The following ADAMTSL1 variants were observed in gnomAD, a reference collection of about 807,000 sequenced individuals.
The protein encoded by ADAMTSL1 is ADAMTS like 1, also known as ADAMTS-like protein 1.
ADAMTSL1 carries 126 observed loss-of-function variants against 201.8 expected under a neutral mutation model. That is an observed-to-expected ratio of 0.62 (90% confidence interval 0.54 to 0.72). The LOEUF is 0.72. Among genes scored for constraint, ADAMTSL1 ranks in the 30% least tolerant of loss-of-function variants. The probability of loss-of-function intolerance (pLI) is 0.00; values close to 1 mark genes in which losing one functional copy is unlikely to be tolerated. For synonymous variants in ADAMTSL1, 1,121 were observed against 903.4 expected, an observed-to-expected ratio of 1.24 and a Z score of -4.32; for missense variants, 2,679 against 2,277.8, an observed-to-expected ratio of 1.18 and a Z score of -3.59.
chr9:18,148,079 A>C (rs1826731917), intron 1 of ADAMTSL1, among the ~76,000 whole-genome samples: 1 of 152,128 alleles, frequency 6.6e-6, no homozygotes, highest in Non-Finnish European at 1.5e-5. Context: ...TGAAATGACC[A>C]AATCTGCTTC....
At chr9:18,072,988 A>C (rs1416029924) in intron 1 of ADAMTSL1, among the ~76,000 whole-genome samples, 1 of 152,168 alleles carries the variant, frequency 6.6e-6, no homozygotes, top group Admixed American at 6.5e-5. Context: ...TTGCCTATTT[A>C]GGAAGCGAGA....
At chr9:18,550,210 C>T (rs1820716100) in intron 3 of ADAMTSL1, among the ~76,000 whole-genome samples, 1 of 151,886 alleles carries the variant, frequency 6.6e-6, no homozygotes, top group African/African-American at 2.4e-5. Context: ...ATCCCTGAAA[C>T]TTGTGAATAT....
intron 2 of ADAMTSL1, among the ~76,000 whole-genome samples, chr9:18,304,281 T>C (rs561406839): frequency 1.3e-3 from 194 of 152,194 alleles, no homozygotes; most frequent in African/African-American, 4.6e-3. Context: ...TTGGCCCACT[T>C]CTTTCACTCC....
intron 2 of ADAMTSL1, among the ~76,000 whole-genome samples, chr9:18,315,042 C>T (rs140660308): frequency 0.085 from 12,834 of 151,550 alleles, 725 homozygotes; most frequent in Non-Finnish European, 0.12. Context: ...GTGATCCGCC[C>T]GCCTCGGCCT....
chr9:18,580,305 T>G (rs938765267), intron 4 of ADAMTSL1, among the ~76,000 whole-genome samples: 1 of 152,170 alleles, frequency 6.6e-6, no homozygotes. Flanking sequence ...ATTCTTTTCA[T>G]TTTTAATAAT....
chr9:18,319,423 A>G (rs755106692), intron 2 of ADAMTSL1, among the ~76,000 whole-genome samples: 3 of 152,204 alleles, frequency 2.0e-5, no homozygotes, highest in East Asian at 1.9e-4. Flanking sequence ...GTTATTATCA[A>G]TAACTTCACT....
chr9:18,819,355 C>T (rs1824064614), intron 21 of ADAMTSL1, among the ~76,000 whole-genome samples: 1 of 151,678 alleles, frequency 6.6e-6, no homozygotes, highest in African/African-American at 2.4e-5. Flanking sequence ...ACTCAGGAGG[C>T]TGAGGCATGA....
intron 2 of ADAMTSL1, among the ~76,000 whole-genome samples, chr9:18,204,810 G>A (rs1350654675): frequency 1.3e-5 from 2 of 148,904 alleles, no homozygotes; most frequent in Admixed American, 6.7e-5. Context: ...GGCAATAACT[G>A]TAATGTAAGA....
In ADAMTSL1 at chr9:18,284,592, G is replaced by T. The variant is rs1180719551; in HGVS notation, c.207+120611G>T. On this transcript the variant is annotated intron_variant, in intron 2 of 29. Coordinates refer to the ADAMTSL1 transcript ENST00000680146. ...TAGCAGCACCAGGTTTTGTAACCAG[G>T]CAGTCTGAGTCCAAAACTCACGGCC... is the stretch of plus-strand genomic sequence containing the variant. Among the ~76,000 whole-genome samples, 3 of 152,292 alleles carry T rather than the reference G, an allele frequency of 2.0e-5. No homozygotes were observed. The East Asian group carries it at 5.8e-4, about 29-fold the overall frequency.
chr9:17,968,511 A>G (rs1818070355), intron 1 of ADAMTSL1, among the ~76,000 whole-genome samples: 1 of 152,110 alleles, frequency 6.6e-6, no homozygotes, highest in Non-Finnish European at 1.5e-5. Context: ...CTTCAGATTG[A>G]TGAGTGTGCA....
chr9:18,630,541 T>C (rs1335293797), intron 5 of ADAMTSL1, among the ~76,000 whole-genome samples: 1 of 152,184 alleles, frequency 6.6e-6, no homozygotes, highest in East Asian at 1.9e-4. Flanking sequence ...ATTCAGGGAA[T>C]CTACTGAGCT....
intron 4 of ADAMTSL1, among the ~76,000 whole-genome samples, chr9:18,610,997 C>T (rs1281406573): frequency 1.3e-5 from 2 of 152,068 alleles, no homozygotes; most frequent in Non-Finnish European, 2.9e-5. Context: ...AGTAGAATAG[C>T]TACTTTGTGG....
At chr9:18,888,210 T>C (rs1047313712) in intron 24 of ADAMTSL1, among the ~76,000 whole-genome samples, 167 bp downstream of exon 24, 25 of 152,212 alleles carry the variant, frequency 1.6e-4, no homozygotes, top group Non-Finnish European at 3.2e-4. Flanking sequence ...TCTGTCAACA[T>C]GGCCCTTCAG....
chr9:18,522,521 A>G (rs1417094205), intron 2 of ADAMTSL1, among the ~76,000 whole-genome samples: 2 of 152,130 alleles, frequency 1.3e-5, no homozygotes, highest in East Asian at 1.9e-4. Flanking sequence ...TATATGTGCC[A>G]TGTTGGTGTG....
At chr9:18,541,141 C>G (rs1196225531) in intron 3 of ADAMTSL1, among the ~76,000 whole-genome samples, 1 of 152,158 alleles carries the variant, frequency 6.6e-6, no homozygotes. Flanking sequence ...ACTGATACAA[C>G]AAAATTGGGA....
At chr9:18,122,757 C>A (rs1825556369) in intron 1 of ADAMTSL1, among the ~76,000 whole-genome samples, 1 of 152,108 alleles carries the variant, frequency 6.6e-6, no homozygotes, top group African/African-American at 2.4e-5. Context: ...AGAAGCTGTA[C>A]AACTGGGCAG....
chr9:18,240,589 C>G (rs1452730377), intron 2 of ADAMTSL1, among the ~76,000 whole-genome samples: 1 of 152,186 alleles, frequency 6.6e-6, no homozygotes, highest in Non-Finnish European at 1.5e-5. Flanking sequence ...AAGCAAAGAA[C>G]TGACTTCTCC....
chr9:18,827,798 C>T (rs981999715), intron 22 of ADAMTSL1, among the ~76,000 whole-genome samples: 9 of 152,114 alleles, frequency 5.9e-5, no homozygotes, highest in Non-Finnish European at 1.3e-4. Flanking sequence ...ACACGGTGTT[C>T]GAAGAGCAAA....
At chr9:17,946,041 A>T (rs1827455985) in intron 1 of ADAMTSL1, among the ~76,000 whole-genome samples, 1 of 150,312 alleles carries the variant, frequency 6.7e-6, no homozygotes, top group Non-Finnish European at 1.5e-5. Flanking sequence ...GTGTTGAAAG[A>T]TAAGCTCATG....
Sources: gnomAD v4.1 joint callset for allele counts (sites outside exome capture counted in the v4.1 genomes callset) on GRCh38, gnomAD v4.1.1 for gene constraint, MANE v1.5 for transcripts, NCBI Gene and HGNC (gene_info 2026-07-23, HGNC 2026-07-21) for gene names.